Variants in GRID2 observed in about 807,000 individuals in gnomAD.
The protein encoded by GRID2 is glutamate receptor ionotropic, delta-2.
Under a neutral mutation model 114.8 loss-of-function variants are expected in GRID2, and 33 were observed. The ratio of observed to expected loss-of-function variants is 0.29; its 90% CI spans 0.22 to 0.38. The LOEUF (loss-of-function observed/expected upper bound fraction) is 0.38, where lower values mean the gene tolerates loss of function less well. GRID2 is among the 10% of genes least tolerant of loss of function. The pLI is 1.00. For synonymous variants in GRID2, 505 were observed against 449.9 expected (o/e 1.12, Z -1.55); for missense variants, 1,184 against 1,257.7 (o/e 0.94, Z 0.89).
At chr4:93,263,828 GGCTACT>G (rs1289565268) in intron 8 of GRID2, among the ~76,000 whole-genome samples, 3 of 152,070 alleles carry the variant, frequency 2.0e-5, no homozygotes, top group African/African-American at 7.2e-5. Context: ...TTCGAAAGCA[GGCTACT>G]ACTGGTCAGT....
rs115582353 is a variant in GRID2 at position 93,377,493 on chromosome 4, C to T, written c.1246-18114C>T. ...TTCGGCTTGGCAGACTAACTACCTTCTCTGATTATTAAACTTTGATGCCAC... is the reference window on the plus strand; with the variant it reads ...TTCGGCTTGGCAGACTAACTACCTTTTCTGATTATTAAACTTTGATGCCAC... On this transcript the variant is annotated intron_variant, in intron 8 of 15. Coordinates refer to ENST00000282020, the MANE Select transcript of GRID2 (RefSeq NM_001510.4). Among the ~76,000 whole-genome samples, 537 of 152,180 alleles carry T rather than the reference C, an allele frequency of 3.5e-3. 3 individuals are homozygous for T. Among genetic ancestry groups the T allele is most frequent in the African/African-American group, 0.012 (516 of 41,524 alleles).
At chr4:92,890,437 G>C (rs541291711) in intron 2 of GRID2, among the ~76,000 whole-genome samples, 2 of 151,934 alleles carry the variant, frequency 1.3e-5, no homozygotes, top group South Asian at 4.1e-4. Flanking sequence ...CAACCCCATT[G>C]AAAAGTGGGT....
chr4:92,345,191 T>C (rs1476025765), intron 1 of GRID2, among the ~76,000 whole-genome samples: 1 of 152,070 alleles, frequency 6.6e-6, no homozygotes, highest in East Asian at 1.9e-4. Context: ...CCAGCTCTTA[T>C]AAGAGAGAAC....
intron 2 of GRID2, among the ~76,000 whole-genome samples, chr4:92,990,995 G>C (rs920748010): frequency 5.3e-5 from 8 of 152,102 alleles, no homozygotes; most frequent in African/African-American, 1.9e-4. Context: ...GATAATGGTA[G>C]CCATCTTGAA....
Position 92,752,112 on chromosome 4 carries a change from T to C in GRID2, c.244+161826T>C, listed in dbSNP as rs1432956050. ...ACAATATTCGTTCTCTGAAGGATTC[T>C]GAGAGAAGTGGTGAATACAGAGCCA... On this transcript the variant is annotated intron_variant, in intron 2 of 15. Coordinates refer to ENST00000282020, the MANE Select transcript of GRID2 (RefSeq NM_001510.4). Among the ~76,000 whole-genome samples, 4 of 152,204 alleles carry C rather than the reference T, an allele frequency of 2.6e-5. No homozygotes were observed. The South Asian group carries it at 6.2e-4, about 24-fold the overall frequency.
chr4:92,524,732 G>T (rs1724963375), intron 1 of GRID2, among the ~76,000 whole-genome samples: 1 of 151,952 alleles, frequency 6.6e-6, no homozygotes, highest in Admixed American at 6.6e-5. Flanking sequence ...GACAACAGGG[G>T]CTCAGAGAGT....
At chr4:92,370,368 T>C (rs1320827692) in intron 1 of GRID2, among the ~76,000 whole-genome samples, 1 of 152,092 alleles carries the variant, frequency 6.6e-6, no homozygotes, top group African/African-American at 2.4e-5. Flanking sequence ...ATTAGACCAA[T>C]TGGCCGGGCA....
chr4:92,339,754 G>C (rs1201887161), intron 1 of GRID2, among the ~76,000 whole-genome samples: 1 of 152,068 alleles, frequency 6.6e-6, no homozygotes, highest in African/African-American at 2.4e-5. Context: ...ACTGAATCTA[G>C]ACTGCACAAG....
chr4:93,555,635 C>A (rs1734240151), intron 13 of GRID2, among the ~76,000 whole-genome samples: 1 of 152,208 alleles, frequency 6.6e-6, no homozygotes, highest in Admixed American at 6.5e-5. Context: ...ACTCCCATCT[C>A]CCTGGGACAG....
intron 8 of GRID2, among the ~76,000 whole-genome samples, chr4:93,343,138 G>A (rs904126422): frequency 3.7e-5 from 4 of 109,114 alleles, no homozygotes; most frequent in African/African-American, 1.7e-4. Context: ...CAAGTGTGAG[G>A]TGACTGTGTG....
intron 2 of GRID2, among the ~76,000 whole-genome samples, chr4:92,983,996 G>T (rs188378350): frequency 6.6e-6 from 1 of 152,038 alleles, no homozygotes; most frequent in African/African-American, 2.4e-5. Flanking sequence ...CTTTGGACAG[G>T]GTACATAACC....
chr4:93,615,926 A>T (rs1424055999), intron 13 of GRID2, among the ~76,000 whole-genome samples: 1 of 152,096 alleles, frequency 6.6e-6, no homozygotes, highest in Non-Finnish European at 1.5e-5. Context: ...ATTTTACTGT[A>T]TTCTTTTCTG....
intron 13 of GRID2, among the ~76,000 whole-genome samples, chr4:93,620,478 G>A (rs1174921822): frequency 6.6e-6 from 1 of 152,162 alleles, no homozygotes; most frequent in Non-Finnish European, 1.5e-5. Flanking sequence ...TCTGTAGTTA[G>A]TACAGGAGGC....
At chr4:92,940,972 GTATTTT>G (rs1444157111) in intron 2 of GRID2, among the ~76,000 whole-genome samples, 1 of 152,172 alleles carries the variant, frequency 6.6e-6, no homozygotes, top group Non-Finnish European at 1.5e-5. Flanking sequence ...CGGTTTGCCA[GTATTTT>G]ATTGAGGATT....
chr4:93,785,342 T>A (rs536035448), intron 1 of GRID2, among the ~76,000 whole-genome samples: 1 of 152,260 alleles, frequency 6.6e-6, no homozygotes, highest in Admixed American at 6.5e-5. Flanking sequence ...GTAATGAAAA[T>A]GCAAGGTGAT....
chr4:92,732,244 T>C (rs1736363574), intron 2 of GRID2, among the ~76,000 whole-genome samples: 1 of 152,016 alleles, frequency 6.6e-6, no homozygotes, highest in Non-Finnish European at 1.5e-5. Flanking sequence ...TGTCATTGTG[T>C]GTATGTTTGT....
chr4:92,503,873 G>A (rs1001288589), intron 1 of GRID2, among the ~76,000 whole-genome samples: 1 of 151,912 alleles, frequency 6.6e-6, no homozygotes, highest in Non-Finnish European at 1.5e-5. Flanking sequence ...AGCTTAATGA[G>A]GTAGAGGTAT....
chr4:93,099,199 C>A (rs1156232492), intron 3 of GRID2, among the ~76,000 whole-genome samples: 1 of 151,806 alleles, frequency 6.6e-6, no homozygotes, highest in Non-Finnish European at 1.5e-5. Flanking sequence ...TACATATACA[C>A]ATGTACCTCC....
intron 10 of GRID2, among the ~76,000 whole-genome samples, chr4:93,441,486 T>C (rs1363408089): frequency 1.4e-5 from 2 of 139,924 alleles, no homozygotes; most frequent in Non-Finnish European, 3.3e-5. Flanking sequence ...ATTTCCTCTT[T>C]CTCTTTTTTT....
Sources: allele counts gnomAD v4.1 joint callset (sites outside exome capture counted in the v4.1 genomes callset), GRCh38; gene constraint gnomAD v4.1.1; transcripts MANE v1.5; gene names NCBI Gene and HGNC (gene_info 2026-07-23, HGNC 2026-07-21).